Variants in DYNC1H1 observed in about 807,000 individuals in gnomAD.
The protein encoded by DYNC1H1 is dynein cytoplasmic 1 heavy chain 1.
A neutral mutation model predicts 527.1 loss-of-function variants in DYNC1H1; 51 were observed. The ratio of observed to expected loss-of-function variants is 0.10; its 90% CI spans 0.08 to 0.12. The LOEUF (loss-of-function observed/expected upper bound fraction) is 0.12, where lower values mean the gene tolerates loss of function less well. DYNC1H1 is among the 10% of genes least tolerant of loss of function. The pLI, the probability that DYNC1H1 is intolerant of heterozygous loss-of-function variation, is 1.00. For synonymous variants in DYNC1H1, 2,189 were observed against 2,278.8 expected (o/e 0.96, Z 1.12); for missense variants, 2,771 against 5,971.8 (o/e 0.46, Z 17.66).
At chr14:101,968,172 G>A (rs182947598) in intron 1 of DYNC1H1, among the ~76,000 whole-genome samples, 15 of 152,336 alleles carry the variant, frequency 9.8e-5, no homozygotes, top group Non-Finnish European at 1.8e-4. Context: ...ACATTTCCAT[G>A]ACTTGTCTGC....
intron 43 of DYNC1H1, among the ~76,000 whole-genome samples, chr14:102,025,061 C>T (rs978783073): frequency 4.0e-5 from 6 of 151,750 alleles, no homozygotes; most frequent in African/African-American, 1.5e-4. Flanking sequence ...TCAGGCTGGG[C>T]ACAGTGGCTC....
Position 102,049,268 on chromosome 14 carries a change from A to G in DYNC1H1, c.13373-172A>G. ...TCTGGACCAGCCTGAGCTAGAGCAG[A>G]TGTGGTGAGGGCGGCGCCAGGGGCA... On this transcript the variant is annotated intron_variant, in intron 74 of 77. Coordinates refer to ENST00000360184, the MANE Select transcript of DYNC1H1 (RefSeq NM_001376.5). The surrounding 1 kb of genome is among the most constrained non-coding windows in gnomAD (Gnocchi z 5.5). 1.2e-6 allele frequency: 1 copy of G among 845,342 alleles called. No homozygotes were observed. Among genetic ancestry groups the G allele is most frequent in the South Asian group, 1.5e-5 (1 of 65,140 alleles). The allele number at this position is 845,342 out of a possible 1,614,324, so 52.4% of individuals were successfully genotyped here. A position where few individuals can be genotyped will look rare whatever the true frequency, so the allele number is the denominator to read the frequency against.
intron 5 of DYNC1H1, among the ~76,000 whole-genome samples, chr14:101,981,450 T>C (rs1350341371): frequency 2.0e-5 from 3 of 152,206 alleles, no homozygotes; most frequent in African/African-American, 7.2e-5. Flanking sequence ...TAAATTCTTT[T>C]AAAAACTTTG....
At chr14:101,966,795 C>T (rs376110041) in intron 1 of DYNC1H1, among the ~76,000 whole-genome samples, 1 of 151,960 alleles carries the variant, frequency 6.6e-6, no homozygotes, top group African/African-American at 2.4e-5. Flanking sequence ...TTTTTCCAGG[C>T]ATCTTAAAAT....
chr14:101,968,893 T>C (rs1422997323), intron 1 of DYNC1H1, among the ~76,000 whole-genome samples: 7 of 152,192 alleles, frequency 4.6e-5, no homozygotes, highest in Admixed American at 4.6e-4. Flanking sequence ...TGAAGAAATG[T>C]AGTTTAATCA....
Position 101,967,051 on chromosome 14 carries a change from C to G in DYNC1H1, c.256+2104C>G, listed in dbSNP as rs1319611752. Reference sequence around the variant, plus strand: ...AATCCTTGAAGTATTTCTACCAATTCAACCTGTCTATAATTTATTTTTCAC... The same window carrying G: ...AATCCTTGAAGTATTTCTACCAATTGAACCTGTCTATAATTTATTTTTCAC... On this transcript the variant is annotated intron_variant, in intron 1 of 77. Transcript: ENST00000360184. Among the ~76,000 whole-genome samples the G allele has an allele frequency of 2.0e-5, 3 of 152,168 alleles. No individual in the cohort carries two copies. In the East Asian group the frequency reaches 5.8e-4, roughly 29 times the overall value.
chr14:102,051,009 C>T lies in DYNC1H1; in HGVS notation c.*446C>T, dbSNP rs537847990. The T allele has an allele frequency of 1.1e-5, 3 of 272,134 alleles. No individual in the cohort carries two copies. Among genetic ancestry groups the T allele is most frequent in the Non-Finnish European group, 2.1e-5 (3 of 139,990 alleles). 16.9% of individuals were successfully genotyped at this position (272,134 alleles called of 1,614,324 possible). On this transcript the variant is annotated 3_prime_UTR_variant, in exon 78 of 78. Coordinates refer to ENST00000360184, the MANE Select transcript of DYNC1H1 (RefSeq NM_001376.5). ...CTGTGGCTCTGAAGGCCCTGGGGCC[C>T]GGGCACCATGGTTCACACCTTTAAT... is the stretch of plus-strand genomic sequence containing the variant.
Position 102,005,105 on chromosome 14 carries a change from A to G in DYNC1H1, c.5302A>G (p.Ser1768Gly). The G allele has an allele frequency of 6.2e-7, 1 of 1,614,224 alleles. No individual in the cohort carries two copies. The highest frequency in any genetic ancestry group is 8.5e-7 in the Non-Finnish European group (1 of 1,180,042). The change falls in exon 26 of 78, where the codon AGC (serine) becomes GGC (glycine). Residue 1768 changes from serine (S) to glycine (G), a missense_variant. Ser to Gly is a moderately conservative substitution (Grantham distance 56, BLOSUM62 0). Around this residue, in one of 32 missense-constraint regions of DYNC1H1, gnomAD observed 105 missense variants for 138.1 expected, o/e 0.76. Coordinates refer to ENST00000360184, the MANE Select transcript of DYNC1H1 (RefSeq NM_001376.5). The surrounding 1 kb of genome is among the most constrained non-coding windows in gnomAD (Gnocchi z 4.0). ...TGAGAACGTGGAGACCGCACTGAGC[A>G]GCATGGGCGGAGGTGGAGATGCCGC... Reference protein sequence around the residue: ...WSENVETALSSMGGGGDAAPL... With the variant: ...WSENVETALSGMGGGGDAAPL...
chr14:102,028,494 A>C (rs1360736960), intron 48 of DYNC1H1: 5 of 355,854 alleles, frequency 1.4e-5, no homozygotes, highest in African/African-American at 2.1e-5. Flanking sequence ...CAGCCTGGGC[A>C]ACAGAGCAAG....
In DYNC1H1 at chr14:102,027,307, C is replaced by T. The variant is rs774312558; in HGVS notation, c.8886+19C>T. On this transcript the variant is annotated intron_variant, in intron 45 of 77. Coordinates refer to ENST00000360184, the MANE Select transcript of DYNC1H1 (RefSeq NM_001376.5). This position sits in a 1 kb window ranked among gnomAD's most constrained non-coding sequence, Gnocchi z 7.7. ...GATTAAGGTGCGTCTGGTCGGTGGC[C>T]TCTTAATCCCAGCAACAGATGTGTG... is the stretch of plus-strand genomic sequence containing the variant. The T allele has an allele frequency of 1.2e-6, 2 of 1,614,024 alleles. No homozygotes were observed. Among genetic ancestry groups the T allele is most frequent in the Non-Finnish European group, 1.7e-6 (2 of 1,179,988 alleles).
rs749487920 is a variant in DYNC1H1 at position 102,038,661 on chromosome 14, GGATTAA to G, written c.11056-34_11056-29del. 9 of 1,614,230 alleles carry G rather than the reference GGATTAA, an allele frequency of 5.6e-6. No individual in the cohort carries two copies. In the African/African-American group the frequency reaches 1.2e-4, roughly 22 times the overall value. On this transcript the variant is annotated intron_variant, in intron 58 of 77. Transcript: ENST00000360184. This position sits in a 1 kb window ranked among gnomAD's most constrained non-coding sequence, Gnocchi z 7.2. Reference sequence around the variant, plus strand: ...TCTGGCAGGATGTGGTTTTGAAACTGGATTAAGACAGACTGTTCTGTTACCTATTTT... The same window carrying G: ...TCTGGCAGGATGTGGTTTTGAAACTGGACAGACTGTTCTGTTACCTATTTT...
chr14:102,009,722 G>A, intron 29 of DYNC1H1, 121 bp from the exon 30 acceptor site: 1 of 1,510,318 alleles, frequency 6.6e-7, no homozygotes, highest in Non-Finnish European at 9.0e-7. Context: ...CCCCGAGGAA[G>A]CGTCTACTTC....
Position 102,047,849 on chromosome 14 carries a change from C to G in DYNC1H1, c.13039C>G (p.Gln4347Glu). 1 of 1,613,414 alleles carries G rather than the reference C, an allele frequency of 6.2e-7. No individual in the cohort carries two copies. Among genetic ancestry groups the G allele is most frequent in the Non-Finnish European group, 8.5e-7 (1 of 1,179,964 alleles). ...CATGATCAGTAAAATGCTGAAGATG[C>G]AGATGTTGGAGGATGAGGACGACCT... is the stretch of plus-strand genomic sequence containing the variant. ...VDMISKMLKM[Q>E]MLEDEDDLAY... is the part of the protein sequence containing the mutation. The change falls in exon 73 of 78, where the codon CAG (glutamine) becomes GAG (glutamate). Residue 4347 changes from glutamine to glutamate, a missense_variant. Gln to Glu is a conservative substitution (Grantham distance 29). Transcript: ENST00000360184.
rs2048206374 is a variant in DYNC1H1 at position 102,007,197 on chromosome 14, T to C, written c.5817+89T>C. 9 of 1,391,784 alleles carry C rather than the reference T, an allele frequency of 6.5e-6. No individual in the cohort carries two copies. The Admixed American group carries it at 1.6e-4, about 25-fold the overall frequency. 86.2% of individuals were successfully genotyped at this position (1,391,784 alleles called of 1,614,324 possible). ...AAGCTCCGTACCTCTCTCAAAGCCA[T>C]TGGTCTTACAGCTCAGCGTGGTTTA... On this transcript the variant is annotated intron_variant, in intron 28 of 77. Coordinates refer to ENST00000360184, the MANE Select transcript of DYNC1H1 (RefSeq NM_001376.5).
At position 102,012,594 on chromosome 14, in the gene DYNC1H1, A is replaced by G. The variant is rs1352822677; in HGVS notation, c.7014+124A>G. ...TCCATGGAGTAGTGATCATTGTGTA[A>G]GTAATTTTCAAAGATAGCATCTCAA... On this transcript the variant is annotated intron_variant, in intron 34 of 77. Transcript: ENST00000360184. This position sits in a 1 kb window ranked among gnomAD's most constrained non-coding sequence, Gnocchi z 4.9. The G allele has an allele frequency of 7.3e-7, 1 of 1,365,534 alleles. No homozygotes were observed. Among genetic ancestry groups the G allele is most frequent in the Non-Finnish European group, 1.0e-6 (1 of 965,572 alleles). 84.6% of individuals were successfully genotyped at this position (1,365,534 alleles called of 1,614,324 possible). A position where few individuals can be genotyped will look rare whatever the true frequency, so the allele number is the denominator to read the frequency against.
Position 101,979,495 on chromosome 14 carries a change from A to G in DYNC1H1, c.518+3A>G. Reference sequence around the variant, plus strand: ...AGAGAGTCTGGCAAGGCAGACAGGTAAAAACTGTGGTTTGAATGTTATATT... The same window carrying G: ...AGAGAGTCTGGCAAGGCAGACAGGTGAAAACTGTGGTTTGAATGTTATATT... On this transcript the variant is annotated splice_donor_region_variant and intron_variant, in intron 3 of 77. Coordinates refer to ENST00000360184, the MANE Select transcript of DYNC1H1 (RefSeq NM_001376.5). This position sits in a 1 kb window ranked among gnomAD's most constrained non-coding sequence, Gnocchi z 4.6. 6.2e-7 allele frequency: 1 copy of G among 1,614,168 alleles called. No homozygotes were observed. Among genetic ancestry groups the G allele is most frequent in the Non-Finnish European group, 8.5e-7 (1 of 1,180,018 alleles).
In DYNC1H1 at chr14:102,049,606, C is replaced by T. The variant is rs776267850; in HGVS notation, c.13515+24C>T. ...AGGTGAAGGCGCTCCTGACGAGTCTCGGGTGGTCAGCAGCTGTCCTGGGCT... is the reference window on the plus strand; with the variant it reads ...AGGTGAAGGCGCTCCTGACGAGTCTTGGGTGGTCAGCAGCTGTCCTGGGCT... On this transcript the variant is annotated intron_variant, in intron 75 of 77. Transcript: ENST00000360184. The surrounding 1 kb of genome is among the most constrained non-coding windows in gnomAD (Gnocchi z 5.5). 5 of 1,613,446 alleles carry T rather than the reference C, an allele frequency of 3.1e-6. No individual in the cohort carries two copies. The highest frequency in any genetic ancestry group is 2.2e-5 in the South Asian group (2 of 91,066).
chr14:101,974,308 A>G (rs1470513966), intron 1 of DYNC1H1, among the ~76,000 whole-genome samples: 6 of 152,208 alleles, frequency 3.9e-5, no homozygotes, highest in Admixed American at 3.9e-4. Context: ...CTTGTTTGTC[A>G]GGCTGGTCTC....
rs772754129 is a variant in DYNC1H1 at position 101,985,636 on chromosome 14, TA to T, written c.1462-48del. On this transcript the variant is annotated intron_variant, in intron 7 of 77. Transcript: ENST00000360184. The surrounding 1 kb of genome is among the most constrained non-coding windows in gnomAD (Gnocchi z 5.9). Reference sequence around the variant, plus strand: ...ACTGCACCCGGCTTAAAATAAATTTTAAAGCCTTCGTTTGGTCAGCATTTCT... The same window carrying T: ...ACTGCACCCGGCTTAAAATAAATTTTAAGCCTTCGTTTGGTCAGCATTTCT... 1 of 1,607,748 alleles carries T rather than the reference TA, an allele frequency of 6.2e-7. No individual in the cohort carries two copies. Among genetic ancestry groups the T allele is most frequent in the Admixed American group, 1.7e-5 (1 of 60,006 alleles).
Sources: allele counts gnomAD v4.1 joint callset (sites outside exome capture counted in the v4.1 genomes callset), GRCh38; gene constraint gnomAD v4.1.1; regional missense constraint gnomAD v4.1.1; non-coding constraint Gnocchi (gnomAD v3.1); transcripts MANE v1.5; gene names NCBI Gene and HGNC (gene_info 2026-07-23, HGNC 2026-07-21).